FAF1: variants seen among roughly 807,000 people sequenced by gnomAD.
FAF1 encodes the protein Fas associated factor 1.
A neutral mutation model predicts 92.5 loss-of-function variants in FAF1; 25 were observed. That is an observed-to-expected ratio of 0.27 (90% confidence interval 0.20 to 0.38). The LOEUF is 0.38. Ranked by LOEUF, FAF1 falls within the 10% of genes least tolerant of loss-of-function variation. The pLI is 1.00. For missense variants in FAF1, 636 were observed against 793.3 expected, an observed-to-expected ratio of 0.80 and a Z score of 2.38; for synonymous variants, 234 against 273.2, an observed-to-expected ratio of 0.86 and a Z score of 1.42.
In FAF1 at chr1:50,837,799, A is replaced by G. The variant is rs534100372; in HGVS notation, c.114+20130T>C. 4.0e-5 allele frequency among the ~76,000 whole-genome samples: 6 copies of G among 151,150 alleles called. No individual in the cohort carries two copies. The South Asian group carries it at 1.3e-3, about 32-fold the overall frequency. ...CACTCTGTCACCCAGGCTGGAGTGC[A>G]GTGGCGTGACCTCAGCTCACTGCAA... On this transcript the variant is annotated intron_variant, in intron 2 of 18. Transcript: ENST00000396153.
At chr1:50,958,459 C>T (rs967087422) in intron 1 of FAF1, among the ~76,000 whole-genome samples, 2 of 152,014 alleles carry the variant, frequency 1.3e-5, no homozygotes, top group Non-Finnish European at 2.9e-5. Flanking sequence ...GGGTGGATCA[C>T]GAGGTCAGGA....
At chr1:50,863,956 ATCCATTTCT>A (rs1428479492) in intron 1 of FAF1, among the ~76,000 whole-genome samples, 1 of 151,926 alleles carries the variant, frequency 6.6e-6, no homozygotes. Flanking sequence ...CGAGGAATTT[ATCCATTTCT>A]TCTAGATTTT....
At position 50,846,848 on chromosome 1, in the gene FAF1, T is replaced by G. The variant is rs1644305934; in HGVS notation, c.114+11081A>C. On this transcript the variant is annotated intron_variant, in intron 2 of 18. Coordinates refer to ENST00000396153, the MANE Select transcript of FAF1 (RefSeq NM_007051.3). ...CAAAGAAGAGGAAGAAGTGAGAAGATTCACCAGGAATTAGCCTTATATTTA... is the reference window on the plus strand; with the variant it reads ...CAAAGAAGAGGAAGAAGTGAGAAGAGTCACCAGGAATTAGCCTTATATTTA... The G allele has an allele frequency of 4.5e-5, 26 of 576,998 alleles. 1 individual carries two copies. Among genetic ancestry groups the G allele is most frequent in the South Asian group, 3.9e-4 (23 of 59,340 alleles). 35.7% of individuals were successfully genotyped at this position (576,998 alleles called of 1,614,324 possible).
At chr1:50,591,429 T>C (rs1432928020) in intron 9 of FAF1, among the ~76,000 whole-genome samples, 3 of 152,250 alleles carry the variant, frequency 2.0e-5, no homozygotes, top group Admixed American at 6.5e-5. Flanking sequence ...TCCCAGCACT[T>C]TGGAAGGGCG....
At chr1:50,703,408 T>C (rs74329106) in intron 7 of FAF1, among the ~76,000 whole-genome samples, 3,038 of 152,138 alleles carry the variant, frequency 0.02, 99 homozygotes, top group African/African-American at 0.07. Context: ...GTTGCACAAG[T>C]TGAAGCAGAA....
intron 8 of FAF1, among the ~76,000 whole-genome samples, chr1:50,643,181 A>G (rs192395847): frequency 1.1e-4 from 17 of 152,184 alleles, no homozygotes; most frequent in African/African-American, 3.9e-4. Context: ...ATCTCTTTTA[A>G]TGGATTTTTA....
At chr1:50,451,705 C>T in intron 18 of FAF1, 1 of 247,228 alleles carries the variant, frequency 4.0e-6, no homozygotes, top group Non-Finnish European at 6.4e-6. Flanking sequence ...TATGACAGAG[C>T]TAGTAATTGT....
At chr1:50,647,433 G>T (rs573510779) in intron 8 of FAF1, among the ~76,000 whole-genome samples, 2 of 152,234 alleles carry the variant, frequency 1.3e-5, no homozygotes, top group Admixed American at 1.3e-4. Flanking sequence ...TAACCACGAG[G>T]CATTCCTGGA....
At chr1:50,749,792 G>GAAA (rs374146304) in intron 4 of FAF1, among the ~76,000 whole-genome samples, 1 of 133,214 alleles carries the variant, frequency 7.5e-6, no homozygotes, top group Non-Finnish European at 1.6e-5. Flanking sequence ...CTGTCTCAGA[G>GAAA]AAAAAAAAAA....
chr1:50,618,710 T>C (rs1338318860), intron 8 of FAF1, among the ~76,000 whole-genome samples: 1 of 152,072 alleles, frequency 6.6e-6, no homozygotes, highest in Non-Finnish European at 1.5e-5. Context: ...TCTTAATTTT[T>C]ACTAACATTT....
chr1:50,850,570 T>C (rs926066224), intron 2 of FAF1, among the ~76,000 whole-genome samples: 2 of 152,078 alleles, frequency 1.3e-5, no homozygotes, highest in Non-Finnish European at 2.9e-5. Context: ...ATGAAGTATT[T>C]AGATGAGCAT....
At chr1:50,519,602 C>T (rs1185742592) in intron 15 of FAF1, among the ~76,000 whole-genome samples, 1 of 152,166 alleles carries the variant, frequency 6.6e-6, no homozygotes, top group Non-Finnish European at 1.5e-5. Context: ...GCTAAAAATA[C>T]TCTGCAAAGA....
chr1:50,826,943 G>A (rs1028713568), intron 2 of FAF1, among the ~76,000 whole-genome samples: 13 of 148,108 alleles, frequency 8.8e-5, no homozygotes, highest in African/African-American at 2.0e-4. Context: ...GCCTGTGCCC[G>A]GCCGCCCCGT....
chr1:50,501,066 A>C (rs1646978248), intron 15 of FAF1, among the ~76,000 whole-genome samples: 1 of 152,236 alleles, frequency 6.6e-6, no homozygotes, highest in Non-Finnish European at 1.5e-5. Flanking sequence ...AGTACATTGA[A>C]ATAAGTTGGT....
chr1:50,526,432 T>C (rs944464488), intron 15 of FAF1, among the ~76,000 whole-genome samples: 4 of 150,984 alleles, frequency 2.6e-5, no homozygotes, highest in African/African-American at 7.3e-5. Context: ...CCCATCTCTA[T>C]TAAAAATAAT....
chr1:50,657,894 A>G (rs1655196104), intron 7 of FAF1, among the ~76,000 whole-genome samples: 1 of 152,200 alleles, frequency 6.6e-6, no homozygotes, highest in Non-Finnish European at 1.5e-5. Flanking sequence ...ATTCAAACAA[A>G]CAGGTTTTCT....
At chr1:50,574,898 CTTTTTTTTTTTTTTTT>C (rs891527014) in intron 12 of FAF1, among the ~76,000 whole-genome samples, 2 of 71,400 alleles carry the variant, frequency 2.8e-5, no homozygotes, top group Admixed American at 3.2e-4. Flanking sequence ...TGTATTAACT[CTTTTTTTTTTTTTTTT>C]TTTTTTTTTT....
At chr1:50,675,507 G>A (rs908541889) in intron 7 of FAF1, among the ~76,000 whole-genome samples, 2 of 152,192 alleles carry the variant, frequency 1.3e-5, no homozygotes, top group Admixed American at 1.3e-4. Flanking sequence ...GCTGATTGCT[G>A]TTATAGAAAA....
At chr1:50,814,291 T>A (rs1278044756) in intron 2 of FAF1, among the ~76,000 whole-genome samples, 1 of 152,180 alleles carries the variant, frequency 6.6e-6, no homozygotes, top group Non-Finnish European at 1.5e-5. Context: ...ACAGTATACA[T>A]AGTAAGTATG....
Sources: gnomAD v4.1 joint callset for allele counts (sites outside exome capture counted in the v4.1 genomes callset) on GRCh38, gnomAD v4.1.1 for gene constraint, MANE v1.5 for transcripts, NCBI Gene and HGNC (gene_info 2026-07-23, HGNC 2026-07-21) for gene names.